Variants in TARS3 observed in about 807,000 individuals in gnomAD.
TARS3 encodes the protein threonine--tRNA ligase 2, cytoplasmic.
A neutral mutation model predicts 103.5 loss-of-function variants in TARS3; 94 were observed. The ratio of observed to expected loss-of-function variants is 0.91; its 90% CI spans 0.77 to 1.08. The LOEUF is 1.08. Ranked by LOEUF, TARS3 falls within the 50% of genes least tolerant of loss-of-function variation. TARS3 has a pLI of 0.00. For synonymous variants in TARS3, 416 were observed against 355.4 expected (o/e 1.17, Z -1.92); for missense variants, 952 against 995.2 (o/e 0.96, Z 0.58).
chr15:101,677,631 T>A lies in TARS3; in HGVS notation c.1651-1894A>T, dbSNP rs144821804. Among the ~76,000 whole-genome samples the A allele has an allele frequency of 3.7e-3, 571 of 152,290 alleles. 3 individuals are homozygous for A. The highest frequency in any genetic ancestry group is 0.017 in the Middle Eastern group (5 of 294). On this transcript the variant is annotated intron_variant, in intron 12 of 18. Transcript: ENST00000335968. ...CTCCTGTCTCAGCCTCCTGAGTAGCTGGGATTACAGGCACATGCCACCACG... is the reference window on the plus strand; with the variant it reads ...CTCCTGTCTCAGCCTCCTGAGTAGCAGGGATTACAGGCACATGCCACCACG...
At chr15:101,695,315 A>C (rs1898917334) in intron 10 of TARS3, among the ~76,000 whole-genome samples, 1 of 152,008 alleles carries the variant, frequency 6.6e-6, no homozygotes, top group African/African-American at 2.4e-5. Flanking sequence ...CTGTCACTAT[A>C]GTTTTGGCAT....
intron 10 of TARS3, among the ~76,000 whole-genome samples, chr15:101,698,595 G>C (rs1381647703): frequency 2.0e-5 from 3 of 152,118 alleles, no homozygotes; most frequent in African/African-American, 4.8e-5. Context: ...TTTTGAGTAA[G>C]ACTATCTATT....
chr15:101,694,871 T>C (rs191207384), intron 10 of TARS3, among the ~76,000 whole-genome samples: 1 of 151,836 alleles, frequency 6.6e-6, no homozygotes, highest in African/African-American at 2.4e-5. Context: ...GAAACTAGAG[T>C]GGTGGTTACC....
chr15:101,715,682 G>C (rs1051351176), intron 3 of TARS3, among the ~76,000 whole-genome samples: 4 of 152,160 alleles, frequency 2.6e-5, no homozygotes, highest in African/African-American at 9.7e-5. Flanking sequence ...AAGCAGTCTG[G>C]AAGTATTGTA....
At chr15:101,669,306 A>G (rs566967769) in intron 15 of TARS3, among the ~76,000 whole-genome samples, 2 of 152,248 alleles carry the variant, frequency 1.3e-5, no homozygotes, top group Non-Finnish European at 2.9e-5. Flanking sequence ...TACAACTATA[A>G]TGTATTTGTG....
At chr15:101,718,325 G>C (rs560755129) in intron 3 of TARS3, among the ~76,000 whole-genome samples, 1 of 152,092 alleles carries the variant, frequency 6.6e-6, no homozygotes, top group South Asian at 2.1e-4. Context: ...CCAAGATCGA[G>C]AAAAGGGGCG....
chr15:101,723,466 C>A (rs1011328243), intron 1 of TARS3, among the ~76,000 whole-genome samples: 1 of 152,150 alleles, frequency 6.6e-6, no homozygotes, highest in African/African-American at 2.4e-5. Context: ...TGCACTATTT[C>A]CTGAAGATGT....
At chr15:101,706,202 G>A (rs1899552086) in intron 6 of TARS3, among the ~76,000 whole-genome samples, 1 of 152,126 alleles carries the variant, frequency 6.6e-6, no homozygotes, top group Non-Finnish European at 1.5e-5. Flanking sequence ...TGGCCAGGCT[G>A]GTCTCAAACT....
At chr15:101,709,108 T>G (rs148300877) in intron 5 of TARS3, among the ~76,000 whole-genome samples, 198 bp from the exon 6 acceptor site, 151 of 152,342 alleles carry the variant, frequency 9.9e-4, no homozygotes, top group African/African-American at 3.3e-3. Flanking sequence ...TGCCAAGACC[T>G]GCCTCATTTC....
At chr15:101,681,039 AT>A (rs1214615002) in intron 12 of TARS3, among the ~76,000 whole-genome samples, 1 of 152,172 alleles carries the variant, frequency 6.6e-6, no homozygotes, top group Non-Finnish European at 1.5e-5. Context: ...TTCCAGCATC[AT>A]TTGTTGAACA....
chr15:101,718,480 T>C (rs1382744506), intron 3 of TARS3, among the ~76,000 whole-genome samples: 2 of 152,190 alleles, frequency 1.3e-5, no homozygotes, highest in Non-Finnish European at 2.9e-5. Context: ...CCTCTGCCCG[T>C]GTCCTGTAAT....
intron 16 of TARS3, 87 bp downstream of exon 16, chr15:101,661,619 GAATAGA>G: frequency 3.7e-6 from 3 of 801,452 alleles, no homozygotes; most frequent in Non-Finnish European, 5.6e-6. Flanking sequence ...GATTTTTTAA[GAATAGA>G]AATATTTTTA....
chr15:101,677,592 G>A (rs1350877244), intron 12 of TARS3, among the ~76,000 whole-genome samples: 4 of 151,146 alleles, frequency 2.6e-5, no homozygotes, highest in East Asian at 3.9e-4. Flanking sequence ...TCCACCTCCC[G>A]GGTTCAAGCA....
chr15:101,721,673 G>C (rs563374767), intron 2 of TARS3, among the ~76,000 whole-genome samples: 2 of 152,024 alleles, frequency 1.3e-5, no homozygotes, highest in African/African-American at 4.8e-5. Context: ...TTTTGTATTT[G>C]TAGTAGAGAT....
At chr15:101,716,805 G>C (rs575509279) in intron 3 of TARS3, among the ~76,000 whole-genome samples, 1 of 151,464 alleles carries the variant, frequency 6.6e-6, no homozygotes, top group East Asian at 1.9e-4. Context: ...TCTTGTCTCT[G>C]AGTTCTCATA....
intron 12 of TARS3, among the ~76,000 whole-genome samples, chr15:101,678,793 C>G (rs1308197939): frequency 8.5e-5 from 13 of 152,054 alleles, no homozygotes; most frequent in Admixed American, 8.5e-4. Flanking sequence ...TTCCCTGATT[C>G]CTCTTTTCAT....
chr15:101,718,100 G>A (rs1379663420), intron 3 of TARS3, among the ~76,000 whole-genome samples: 2 of 152,184 alleles, frequency 1.3e-5, no homozygotes, highest in Non-Finnish European at 2.9e-5. Context: ...TGGGCGTGGT[G>A]GCTTACATCT....
chr15:101,685,754 A>G, intron 11 of TARS3, 142 bp downstream of exon 11: 1 of 600,252 alleles, frequency 1.7e-6, no homozygotes, highest in Middle Eastern at 4.5e-4. Flanking sequence ...CATTCTCCGG[A>G]ATGAAACAAC....
chr15:101,712,601 T>C (rs989805809), intron 4 of TARS3, among the ~76,000 whole-genome samples: 2 of 152,124 alleles, frequency 1.3e-5, no homozygotes, highest in Non-Finnish European at 2.9e-5. Flanking sequence ...GAGAAGTGTA[T>C]ATATGGGCTC....
Sources: allele counts gnomAD v4.1 joint callset (sites outside exome capture counted in the v4.1 genomes callset), GRCh38; gene constraint gnomAD v4.1.1; transcripts MANE v1.5; gene names NCBI Gene and HGNC (gene_info 2026-07-23, HGNC 2026-07-21).